KLF12: variants seen among roughly 807,000 people sequenced by gnomAD.
The protein encoded by KLF12 is KLF transcription factor 12.
KLF12 carries 9 observed loss-of-function variants against 37.8 expected under a neutral mutation model. That is an observed-to-expected ratio of 0.24 (90% CI 0.14 to 0.42). KLF12 has a LOEUF of 0.42. KLF12 is among the 10% of genes least tolerant of loss of function. KLF12 has a pLI of 1.00. For synonymous variants in KLF12, 208 were observed against 202.1 expected (o/e 1.03, Z -0.25); for missense variants, 411 against 516.0 (o/e 0.80, Z 1.97).
At chr13:74,220,299 A>G in the KLF12 span, among the ~76,000 whole-genome samples, 1 of 152,210 alleles carries the variant, frequency 6.6e-6, no homozygotes, top group Non-Finnish European at 1.5e-5. Flanking sequence ...TCTTGAAAAT[A>G]AGGCACTATC....
At chr13:74,037,203 C>CA (rs200460958) in intron 1 of KLF12, among the ~76,000 whole-genome samples, 1,586 of 69,226 alleles carry the variant, frequency 0.023, 19 homozygotes, top group Middle Eastern at 0.053. Flanking sequence ...ACTCCGTCTC[C>CA]AAAAAAAAAA....
intron 5 of KLF12, among the ~76,000 whole-genome samples, chr13:73,772,003 C>A (rs150298608): frequency 6.6e-6 from 1 of 152,252 alleles, no homozygotes; most frequent in African/African-American, 2.4e-5. Flanking sequence ...GAGATTCTTG[C>A]AAGTATTTGC....
the KLF12 span, among the ~76,000 whole-genome samples, chr13:74,294,267 A>G: frequency 6.6e-6 from 1 of 152,174 alleles, no homozygotes; most frequent in Non-Finnish European, 1.5e-5. Context: ...CAGGGCTTTT[A>G]GGCACCCATC....
intron 6 of KLF12, among the ~76,000 whole-genome samples, chr13:73,740,742 G>T (rs111828705): frequency 1.3e-5 from 2 of 152,162 alleles, no homozygotes; most frequent in African/African-American, 4.8e-5. Context: ...AGGAATCAGG[G>T]AAAGCATTCT....
At chr13:73,792,155 C>T (rs1365802249) in intron 5 of KLF12, among the ~76,000 whole-genome samples, 1 of 152,206 alleles carries the variant, frequency 6.6e-6, no homozygotes, top group Admixed American at 6.5e-5. Flanking sequence ...ACTCTCCTCT[C>T]ATCCAACCCA....
At chr13:73,980,419 T>G (rs188200784) in intron 2 of KLF12, among the ~76,000 whole-genome samples, 12 of 152,252 alleles carry the variant, frequency 7.9e-5, no homozygotes, top group Admixed American at 6.5e-4. Context: ...ATCTCACTTA[T>G]GAAAATAGAT....
rs552107650 is a variant in KLF12 at position 73,745,655 on chromosome 13, C to A, written c.869+19283G>T. On this transcript the variant is annotated intron_variant, in intron 6 of 7. Coordinates refer to ENST00000377669, the MANE Select transcript of KLF12 (RefSeq NM_007249.5). ...AAAATGCTCCTTTGTTAACACTTGT[C>A]ATTGTTCTGCACGTATGTAATTTCT... 2.7e-4 allele frequency among the ~76,000 whole-genome samples: 41 copies of A among 152,238 alleles called. 1 individual carries two copies. Among genetic ancestry groups the A allele is most frequent in the African/African-American group, 9.6e-4 (40 of 41,556 alleles).
chr13:74,282,812 C>T, the KLF12 span, among the ~76,000 whole-genome samples: 2 of 152,102 alleles, frequency 1.3e-5, no homozygotes, highest in African/African-American at 2.4e-5. Flanking sequence ...TAATGAATGC[C>T]GTGTGACTTA....
At chr13:73,885,783 C>T (rs1017174111) in intron 3 of KLF12, among the ~76,000 whole-genome samples, 2 of 152,110 alleles carry the variant, frequency 1.3e-5, no homozygotes, top group African/African-American at 2.4e-5. Flanking sequence ...ACAGAGAATA[C>T]GTTGAAGGGA....
chr13:74,172,449 T>C, the KLF12 span, among the ~76,000 whole-genome samples: 1,044 of 152,296 alleles, frequency 6.9e-3, 13 homozygotes, highest in African/African-American at 0.024. Context: ...TGCCAATTGA[T>C]GTCATGGCTT....
At chr13:73,806,337 C>T (rs2138384588) in intron 5 of KLF12, among the ~76,000 whole-genome samples, 1 of 151,664 alleles carries the variant, frequency 6.6e-6, no homozygotes, top group South Asian at 2.1e-4. Flanking sequence ...CTCCTGACCT[C>T]AGATCCACCC....
intron 3 of KLF12, among the ~76,000 whole-genome samples, chr13:73,871,202 G>A (rs767997877): frequency 2.1e-4 from 32 of 151,972 alleles, no homozygotes; most frequent in Middle Eastern, 3.2e-3. Context: ...ACTAGTCTGC[G>A]GGGGAGGCAG....
At chr13:73,717,832 A>G (rs1043687926) in intron 6 of KLF12, among the ~76,000 whole-genome samples, 4 of 152,194 alleles carry the variant, frequency 2.6e-5, no homozygotes, top group Admixed American at 2.0e-4. Flanking sequence ...CTGACAAGGT[A>G]TATTTTTATC....
At chr13:74,187,988 C>T in the KLF12 span, among the ~76,000 whole-genome samples, 1 of 152,240 alleles carries the variant, frequency 6.6e-6, no homozygotes, top group African/African-American at 2.4e-5. Flanking sequence ...TACTCAATTA[C>T]AATGATTTCT....
intron 1 of KLF12, among the ~76,000 whole-genome samples, chr13:74,043,060 C>G (rs1593852485): frequency 6.6e-6 from 1 of 152,116 alleles, no homozygotes; most frequent in Non-Finnish European, 1.5e-5. Context: ...TAAGATCGGA[C>G]AGACTGAAAA....
intron 1 of KLF12, among the ~76,000 whole-genome samples, chr13:74,050,143 A>T (rs1346698777): frequency 6.6e-6 from 1 of 152,198 alleles, no homozygotes; most frequent in Non-Finnish European, 1.5e-5. Context: ...ACAAGATTTC[A>T]GAGAGAAAGA....
chr13:74,272,658 A>G, the KLF12 span, among the ~76,000 whole-genome samples: 1 of 152,198 alleles, frequency 6.6e-6, no homozygotes, highest in South Asian at 2.1e-4. Flanking sequence ...GAGCTGAAAG[A>G]AACAAGAATA....
chr13:74,033,583 A>G (rs1893169295), intron 1 of KLF12, among the ~76,000 whole-genome samples: 1 of 152,228 alleles, frequency 6.6e-6, no homozygotes, highest in African/African-American at 2.4e-5. Context: ...AGATTACTTA[A>G]TATTTCATAG....
At chr13:74,096,819 A>G (rs182519442) in intron 1 of KLF12, among the ~76,000 whole-genome samples, 1 of 152,310 alleles carries the variant, frequency 6.6e-6, no homozygotes, top group East Asian at 1.9e-4. Context: ...CAGGTGTGAC[A>G]GAGAATTAAC....
Sources: gnomAD v4.1 joint callset for allele counts (sites outside exome capture counted in the v4.1 genomes callset) on GRCh38, gnomAD v4.1.1 for gene constraint, MANE v1.5 for transcripts, NCBI Gene and HGNC (gene_info 2026-07-23, HGNC 2026-07-21) for gene names.